The following ADAMTS10 variants were observed in gnomAD, a reference collection of about 807,000 sequenced individuals.
ADAMTS10 encodes the protein ADAM metallopeptidase with thrombospondin type 1 motif 10, also known as A disintegrin and metalloproteinase with thrombospondin motifs 10.
Under a neutral mutation model 135.9 loss-of-function variants are expected in ADAMTS10, and 48 were observed. That is an observed-to-expected ratio of 0.35 (90% CI 0.28 to 0.45). ADAMTS10 has a LOEUF of 0.45. Ranked by LOEUF, ADAMTS10 falls within the 20% of genes least tolerant of loss-of-function variation. The probability of loss-of-function intolerance (pLI) is 1.00; values close to 1 mark genes in which losing one functional copy is unlikely to be tolerated. For synonymous variants in ADAMTS10, 621 were observed against 647.5 expected (o/e 0.96, Z 0.62); for missense variants, 1,131 against 1,565.2 (o/e 0.72, Z 4.68).
chr19:8,590,013 T>C (rs1004074616), intron 15 of ADAMTS10, 22 bp from the exon 16 acceptor site: 18 of 1,578,608 alleles, frequency 1.1e-5, no homozygotes, highest in African/African-American at 9.5e-5. Flanking sequence ...AGAGGAGAGA[T>C]GGAGGGAGGC....
intron 4 of ADAMTS10, among the ~76,000 whole-genome samples, chr19:8,604,553 A>T (rs1555742099): frequency 6.6e-6 from 1 of 151,366 alleles, no homozygotes; most frequent in African/African-American, 2.4e-5. Context: ...GTGATCTCAG[A>T]TCACTGAGAC....
At position 8,585,323 on chromosome 19, in the gene ADAMTS10, G is replaced by A. The variant is rs2042411921; in HGVS notation, c.2866-15C>T. ...CTGGGGGTGCACTGCAGTTGGAAGG[G>A]GCGTTTCGTGCTCAGGGTGCTGCCC... On this transcript the variant is annotated splice_polypyrimidine_tract_variant and intron_variant, in intron 23 of 25. Transcript: ENST00000597188. 1 of 1,533,140 alleles carries A rather than the reference G, an allele frequency of 6.5e-7. No homozygotes were observed. Among genetic ancestry groups the A allele is most frequent in the Non-Finnish European group, 8.7e-7 (1 of 1,142,978 alleles). The allele number at this position is 1,533,140 out of a possible 1,614,324, so 95.0% of individuals were successfully genotyped here.
At chr19:8,584,037 C>G (rs533867732) in intron 25 of ADAMTS10, among the ~76,000 whole-genome samples, 1 of 147,844 alleles carries the variant, frequency 6.8e-6, no homozygotes, top group African/African-American at 2.5e-5. Context: ...GGCACCTGTA[C>G]TCCCAGCTAC....
rs1600093262 is a variant in ADAMTS10 at position 8,584,941 on chromosome 19, C to T, written c.3156G>A (p.Gln1052=). ...TEALRPPTTQ[Q]CEAKCDSPTP... ...TTGGGCTGTCGCACTTGGCCTCACACTGCTGCGTGGTGGGCGGCCGCAGGG... is the reference window on the plus strand; with the variant it reads ...TTGGGCTGTCGCACTTGGCCTCACATTGCTGCGTGGTGGGCGGCCGCAGGG... Residue 1052 remains glutamine (Q), a synonymous_variant, in exon 25 of 26, where the codon CAG becomes CAA. Transcript: ENST00000597188. 1.3e-6 allele frequency: 2 copies of T among 1,548,768 alleles called. No individual in the cohort carries two copies. Among genetic ancestry groups the T allele is most frequent in the Non-Finnish European group, 1.7e-6 (2 of 1,146,464 alleles).
chr19:8,592,658 T>G, intron 13 of ADAMTS10, 105 bp downstream of exon 13: 1 of 1,169,242 alleles, frequency 8.6e-7, no homozygotes, highest in Non-Finnish European at 1.2e-6. Flanking sequence ...GTGGCCAATG[T>G]GGGAGGGAGC....
intron 25 of ADAMTS10, among the ~76,000 whole-genome samples, chr19:8,581,860 CAA>C (rs71286209): frequency 1.7e-4 from 22 of 127,628 alleles, no homozygotes; most frequent in Admixed American, 3.1e-4. Context: ...AACAAAAAAA[CAA>C]AAAAAAAAAA....
In ADAMTS10 at chr19:8,586,398, G is replaced by C. The variant is rs561610880; in HGVS notation, c.2476C>G (p.Pro826Ala). ...CAGGGCGCATAGTGCCAGGAGTAGGGGGGCAGCGAGTCACGGGCGATGGGG... is the reference window on the plus strand; with the variant it reads ...CAGGGCGCATAGTGCCAGGAGTAGGCGGGCAGCGAGTCACGGGCGATGGGG... ...NAPIARDSLP[P>A]YSWHYAPWTK... The change falls in exon 21 of 26, where the codon CCC (proline) becomes GCC (alanine). Residue 826 changes from proline (P) to alanine (A), a missense_variant. By Grantham distance (27) the Pro-to-Ala change is conservative (BLOSUM62 -1). Coordinates refer to ENST00000597188, the MANE Select transcript of ADAMTS10 (RefSeq NM_030957.4). 7 of 1,613,948 alleles carry C rather than the reference G, an allele frequency of 4.3e-6. No individual in the cohort carries two copies. The highest frequency in any genetic ancestry group is 5.1e-6 in the Non-Finnish European group (6 of 1,179,996).
chr19:8,589,764 C>T (rs1555738436), intron 16 of ADAMTS10, 125 bp downstream of exon 16: 13 of 1,402,378 alleles, frequency 9.3e-6, no homozygotes, highest in Non-Finnish European at 1.3e-5. Context: ...ATCCCAGGTA[C>T]TCTGTCTCCC....
At position 8,580,938 on chromosome 19, in the gene ADAMTS10, T is replaced by C. The variant is rs2042337357; in HGVS notation, c.3267A>G (p.Arg1089=). Residue 1089 remains arginine (R), a synonymous_variant, in exon 26 of 26, where the codon CGA becomes CGG. Transcript: ENST00000597188. Reference sequence around the variant, plus strand: ...TGCAGCACATCTGGCGGAAGTAGGCTCGGCTGCAGAACTGAAATTTGAGCA... The same window carrying C: ...TGCAGCACATCTGGCGGAAGTAGGCCCGGCTGCAGAACTGAAATTTGAGCA... The part of the protein sequence containing the change: ...PLVLKFQFCS[R]AYFRQMCCKT... The C allele has an allele frequency of 6.2e-7, 1 of 1,613,334 alleles. No individual in the cohort carries two copies. Among genetic ancestry groups the C allele is most frequent in the Non-Finnish European group, 8.5e-7 (1 of 1,179,760 alleles).
rs1555736549 is a variant in ADAMTS10, at chr19:8,585,144, G to T, written c.3030C>A (p.Gly1010=). 1 of 1,413,612 alleles carries T rather than the reference G, an allele frequency of 7.1e-7. No individual in the cohort carries two copies. Among genetic ancestry groups the T allele is most frequent in the South Asian group, 1.5e-5 (1 of 66,396 alleles). 87.6% of individuals were successfully genotyped at this position (1,413,612 alleles called of 1,614,324 possible). ...RRCPPARWVA[G]EWGECSAQCG... ...CGCGCCCTCCTACCTCACCCCACTC[G>T]CCAGCCACCCAGCGGGCCGGGGGGC... Residue 1010 remains glycine, a synonymous_variant, in exon 24 of 26, where the codon GGC becomes GGA. Transcript: ENST00000597188.
In ADAMTS10 at chr19:8,600,777, T is replaced by C. The variant is rs6603091; in HGVS notation, c.810+151A>G. ...CCTCCCGAAGTGCTGGGATTACAGG[T>C]GTGAGCCACCGCGCCCGGCCTGCAA... On this transcript the variant is annotated intron_variant, in intron 6 of 25. Transcript: ENST00000597188. 148,310 of 905,448 alleles carry C rather than the reference T, an allele frequency of 0.16. 14,224 individuals carry two copies. The highest frequency in any genetic ancestry group is 0.35 in the South Asian group (23,373 of 67,268). The allele number at this position is 905,448 out of a possible 1,614,324, so 56.1% of individuals were successfully genotyped here.
At chr19:8,592,136 A>C in intron 13 of ADAMTS10, 33 bp from the exon 14 acceptor site, 1 of 1,613,290 alleles carries the variant, frequency 6.2e-7, no homozygotes, top group Non-Finnish European at 8.5e-7. Flanking sequence ...GAGTGAGTCC[A>C]GCCCGGAGGA....
chr19:8,601,481 C>T lies in ADAMTS10; in HGVS notation c.593-336G>A, dbSNP rs921058505. 6.6e-6 allele frequency among the ~76,000 whole-genome samples: 1 copy of T among 151,958 alleles called. No homozygotes were observed. The highest frequency in any genetic ancestry group is 1.5e-5 in the Non-Finnish European group (1 of 67,992). ...GGTTCAAGCGATTCTCCTGCCTCAG[C>T]CTCCCGAGTAGCTGGGATGACAGGC... On this transcript the variant is annotated intron_variant, in intron 5 of 25. Coordinates refer to ENST00000597188, the MANE Select transcript of ADAMTS10 (RefSeq NM_030957.4). The surrounding 1 kb of genome is among the most constrained non-coding windows in gnomAD (Gnocchi z 4.6).
intron 6 of ADAMTS10, among the ~76,000 whole-genome samples, chr19:8,600,666 T>G (rs978700404): frequency 1.4e-4 from 21 of 151,880 alleles, no homozygotes; most frequent in South Asian, 4.2e-4. Flanking sequence ...ACTCGGCTAA[T>G]TTTTTGTATT....
At chr19:8,607,053 A>G (rs1032701972) in intron 2 of ADAMTS10, among the ~76,000 whole-genome samples, 8 of 152,128 alleles carry the variant, frequency 5.3e-5, no homozygotes, top group Non-Finnish European at 1.2e-4. Flanking sequence ...GAGCCCAGAC[A>G]GGGTGGGTGC....
In ADAMTS10 at chr19:8,593,088, A is replaced by G. The variant is rs1312467998; in HGVS notation, c.1480-218T>C. ...ATAAGCTCCATTTATGGAGCACTTT[A>G]TACATGCCATATACCTCTTTAGGCA... On this transcript the variant is annotated intron_variant, in intron 12 of 25. Coordinates refer to ENST00000597188, the MANE Select transcript of ADAMTS10 (RefSeq NM_030957.4). 4 of 609,200 alleles carry G rather than the reference A, an allele frequency of 6.6e-6. No individual in the cohort carries two copies. In the African/African-American group the frequency reaches 7.3e-5, roughly 11 times the overall value. 37.7% of individuals were successfully genotyped at this position (609,200 alleles called of 1,614,324 possible). A position where few individuals can be genotyped will look rare whatever the true frequency, so the allele number is the denominator to read the frequency against.
intron 12 of ADAMTS10, 190 bp downstream of exon 12, chr19:8,595,572 T>A (rs1221657060): frequency 7.0e-6 from 6 of 859,740 alleles, no homozygotes; most frequent in African/African-American, 3.3e-5. Context: ...AAGCACTGTC[T>A]GATTGCTTAG....
At chr19:8,604,685 C>T (rs1368207766) in intron 4 of ADAMTS10, among the ~76,000 whole-genome samples, 1 of 148,474 alleles carries the variant, frequency 6.7e-6, no homozygotes, top group South Asian at 2.1e-4. Context: ...GGGGTTTCAC[C>T]ATGTTGGCCA....
At chr19:8,591,621 T>C (rs2042529150) in intron 15 of ADAMTS10, among the ~76,000 whole-genome samples, 179 bp downstream of exon 15, 1 of 151,988 alleles carries the variant, frequency 6.6e-6, no homozygotes, top group South Asian at 2.1e-4. Context: ...TTTGTATTTT[T>C]AGTAGAGACG....
Sources: gnomAD v4.1 joint callset for allele counts (sites outside exome capture counted in the v4.1 genomes callset) on GRCh38, gnomAD v4.1.1 for gene constraint, Gnocchi (gnomAD v3.1) non-coding constraint, MANE v1.5 for transcripts, NCBI Gene and HGNC (gene_info 2026-07-23, HGNC 2026-07-21) for gene names.